The following NPC1 variants were observed in gnomAD, a reference collection of about 807,000 sequenced individuals.
NPC1 encodes Niemann-Pick C1 protein.
In NPC1, 85 loss-of-function variants were observed where a neutral mutation model predicts 140.4. The observed-to-expected ratio is 0.61, with a 90% confidence interval of 0.51 to 0.72. The LOEUF is 0.72. Among genes scored for constraint, NPC1 ranks in the 30% least tolerant of loss-of-function variants. The pLI is 0.00. For synonymous variants in NPC1, 656 were observed against 624.8 expected (o/e 1.05, Z -0.74); for missense variants, 1,504 against 1,623.8 (o/e 0.93, Z 1.27).
downstream of NPC1, chr18:23,526,727 A>G (rs1469863514): frequency 6.2e-7 from 1 of 1,614,072 alleles, no homozygotes; most frequent in Non-Finnish European, 8.5e-7. Flanking sequence ...CTCCAGAGAA[A>G]GGAATGCAAG....
intron 17 of NPC1, 111 bp from the exon 18 acceptor site, chr18:23,540,112 C>T (rs1325206407): frequency 5.3e-5 from 48 of 914,266 alleles, no homozygotes; most frequent in Non-Finnish European, 7.6e-5. Flanking sequence ...GCTGAGATGC[C>T]TCCAGCTGGA....
chr18:23,509,051 G>T (rs1434928134), intron 3 of NPC1: 1 of 341,992 alleles, frequency 2.9e-6, no homozygotes, highest in Non-Finnish European at 5.3e-6. Flanking sequence ...GTATTTAAAA[G>T]AAAATTTGTT....
intron 4 of NPC1, among the ~76,000 whole-genome samples, chr18:23,566,122 G>A (rs1022989548): frequency 6.6e-6 from 1 of 152,002 alleles, no homozygotes; most frequent in South Asian, 2.1e-4. Flanking sequence ...TAATGGACTC[G>A]GCCAGGTGCA....
rs562240454 is a variant in NPC1 at position 23,543,261 on chromosome 18, G to A, written c.2245+194C>T. Among the ~76,000 whole-genome samples the A allele has an allele frequency of 1.7e-4, 26 of 151,266 alleles. No homozygotes were observed. In the South Asian group the frequency reaches 2.9e-3, roughly 17 times the overall value. On this transcript the variant is annotated intron_variant, in intron 14 of 24. Coordinates refer to ENST00000269228, the MANE Select transcript of NPC1 (RefSeq NM_000271.5). ...GGAAAATCGCTTGAACCCGGGAGGCGGAGGCTGCAGTGAGCCGAGATTGCA... is the reference window on the plus strand; with the variant it reads ...GGAAAATCGCTTGAACCCGGGAGGCAGAGGCTGCAGTGAGCCGAGATTGCA...
intron 11 of NPC1, among the ~76,000 whole-genome samples, chr18:23,545,768 T>A (rs1230907078): frequency 1.3e-5 from 2 of 152,120 alleles, no homozygotes. Flanking sequence ...ATTTTAAAAA[T>A]TTTTTGTAGA....
chr18:23,526,637 G>A, downstream of NPC1: 1 of 1,613,588 alleles, frequency 6.2e-7, no homozygotes, highest in Non-Finnish European at 8.5e-7. Context: ...TAAAATCCAG[G>A]TTACCTCTGG....
chr18:23,531,496 A>C lies in NPC1; in HGVS notation c.*706T>G, dbSNP rs1762011639. 2.7e-6 allele frequency: 4 copies of C among 1,471,182 alleles called. No individual in the cohort carries two copies. The highest frequency in any genetic ancestry group is 2.6e-5 in the Admixed American group (1 of 38,774). 91.1% of individuals were successfully genotyped at this position (1,471,182 alleles called of 1,614,324 possible). A position where few individuals can be genotyped will look rare whatever the true frequency, so the allele number is the denominator to read the frequency against. On this transcript the variant is annotated 3_prime_UTR_variant, in exon 25 of 25. Transcript: ENST00000269228. ...CTCAAAGCAGATAGGGTAACCCCAA[A>C]ACTTAGGAAAACAATGTATTTTATT...
At chr18:23,530,831 G>A (rs572355449), downstream of NPC1, among the ~76,000 whole-genome samples, 3 of 152,288 alleles carry the variant, frequency 2.0e-5, no homozygotes, top group South Asian at 6.2e-4. Context: ...GGTGTGTTTT[G>A]AGTCAAGACA....
chr18:23,558,069 T>C (rs1316161859), intron 6 of NPC1, among the ~76,000 whole-genome samples: 2 of 152,164 alleles, frequency 1.3e-5, no homozygotes, highest in Admixed American at 6.5e-5. Flanking sequence ...TAGCTTTCTG[T>C]ACAGAAGTCC....
chr18:23,527,882 C>G, downstream of NPC1: 1 of 1,613,740 alleles, frequency 6.2e-7, no homozygotes, highest in Non-Finnish European at 8.5e-7. Context: ...TACCTGGATG[C>G]CGAGCAGAGT....
At chr18:23,524,305 C>G, downstream of NPC1, 3 of 1,481,310 alleles carry the variant, frequency 2.0e-6, no homozygotes, top group East Asian at 4.5e-5. Context: ...GCTTCCCTGA[C>G]TGTCCAGGGG....
At chr18:23,533,222 T>A in intron 24 of NPC1, 133 bp downstream of exon 24, 4 of 1,013,882 alleles carry the variant, frequency 3.9e-6, no homozygotes, top group Non-Finnish European at 5.9e-6. Flanking sequence ...GAAATTTTTT[T>A]ACTCAGTATC....
chr18:23,568,368 T>C (rs1467357408), intron 4 of NPC1, among the ~76,000 whole-genome samples: 2 of 152,232 alleles, frequency 1.3e-5, no homozygotes, highest in Admixed American at 6.5e-5. Flanking sequence ...AAATGTTGTA[T>C]GTTGGTCAAT....
chr18:23,546,319 C>G (rs2058789824), intron 11 of NPC1, among the ~76,000 whole-genome samples: 1 of 147,328 alleles, frequency 6.8e-6, no homozygotes. Context: ...CAATGAGATA[C>G]CACTTCACAC....
At chr18:23,575,833 T>C (rs2059269425) in intron 1 of NPC1, among the ~76,000 whole-genome samples, 1 of 130,370 alleles carries the variant, frequency 7.7e-6, no homozygotes, top group Non-Finnish European at 1.6e-5. Flanking sequence ...ACGCCTATAA[T>C]CCCAGCACTT....
In NPC1 at chr18:23,539,073, G is replaced by A; in HGVS notation, c.2911+282C>T. 8.2e-6 allele frequency: 4 copies of A among 487,250 alleles called. No homozygotes were observed. The South Asian group carries it at 8.4e-5, about 10-fold the overall frequency. 30.2% of individuals were successfully genotyped at this position (487,250 alleles called of 1,614,324 possible). On this transcript the variant is annotated intron_variant, in intron 19 of 24. Coordinates refer to ENST00000269228, the MANE Select transcript of NPC1 (RefSeq NM_000271.5). ...GAAGCTAAGGCCAGATACCAATCCT[G>A]AGAGGCAATCGCTGGAGTTAGAACA... is the stretch of plus-strand genomic sequence containing the variant.
At chr18:23,547,909 C>A in intron 11 of NPC1, 97 bp downstream of exon 11, 2 of 810,298 alleles carry the variant, frequency 2.5e-6, no homozygotes, top group Non-Finnish European at 4.5e-6. Flanking sequence ...TCAGATCTGC[C>A]ATTGGTTAAT....
At chr18:23,557,600 CA>C (rs963455281) in intron 6 of NPC1, among the ~76,000 whole-genome samples, 3 of 152,122 alleles carry the variant, frequency 2.0e-5, no homozygotes, top group Non-Finnish European at 4.4e-5. Flanking sequence ...ACTAAAAATA[CA>C]AAAAGGTTAG....
chr18:23,544,139 A>G (rs543566013), intron 13 of NPC1, among the ~76,000 whole-genome samples: 11 of 152,322 alleles, frequency 7.2e-5, no homozygotes, highest in East Asian at 1.9e-4. Flanking sequence ...TTCTTACTTT[A>G]TATCTACTAT....
Sources: gnomAD v4.1 joint callset for allele counts (sites outside exome capture counted in the v4.1 genomes callset) on GRCh38, gnomAD v4.1.1 for gene constraint, MANE v1.5 for transcripts, NCBI Gene and HGNC (gene_info 2026-07-23, HGNC 2026-07-21) for gene names.